The following ALX3 variants were observed in gnomAD, a reference collection of about 807,000 sequenced individuals.
ALX3 encodes ALX homeobox 3, also known as homeobox protein aristaless-like 3.
A neutral mutation model predicts 26.3 loss-of-function variants in ALX3; 17 were observed. That is an observed-to-expected ratio of 0.65 (90% CI 0.44 to 0.97). The LOEUF (loss-of-function observed/expected upper bound fraction) is 0.97, where lower values mean the gene tolerates loss of function less well. Ranked by LOEUF, ALX3 falls within the 50% of genes least tolerant of loss-of-function variation. The pLI, the probability that ALX3 is intolerant of heterozygous loss-of-function variation, is 0.00. For missense variants in ALX3, 461 were observed against 466.5 expected (o/e 0.99, Z 0.11); for synonymous variants, 208 against 201.4 (o/e 1.03, Z -0.28).
At chr1:110,066,785 G>A (rs1420357695) in intron 1 of ALX3, among the ~76,000 whole-genome samples, 1 of 152,150 alleles carries the variant, frequency 6.6e-6, no homozygotes, top group African/African-American at 2.4e-5. Context: ...CCAAAGCCCT[G>A]GGGCTTGCTC....
rs1653614619 is a variant in ALX3 at position 110,060,719 on chromosome 1, G to A, written c.*14C>T. 1 of 1,383,530 alleles carries A rather than the reference G, an allele frequency of 7.2e-7. No individual in the cohort carries two copies. The highest frequency in any genetic ancestry group is 9.4e-7 in the Non-Finnish European group (1 of 1,062,874). The allele number at this position is 1,383,530 out of a possible 1,614,324, so 85.7% of individuals were successfully genotyped here. On this transcript the variant is annotated 3_prime_UTR_variant, in exon 4 of 4. Coordinates refer to ENST00000647563, the MANE Select transcript of ALX3 (RefSeq NM_006492.3). ...AAGAGGTGGGCAGCTCATTCTGCAG[G>A]TCCATGCAACCGATCACGTGGTCCA...
In ALX3 at chr1:110,061,573, G is replaced by A. The variant is rs1012716668; in HGVS notation, c.595-10C>T. 2 of 1,614,104 alleles carry A rather than the reference G, an allele frequency of 1.2e-6. No homozygotes were observed. The highest frequency in any genetic ancestry group is 1.3e-5 in the African/African-American group (1 of 75,070). On this transcript the variant is annotated splice_polypyrimidine_tract_variant and intron_variant, in intron 2 of 3. Coordinates refer to ENST00000647563, the MANE Select transcript of ALX3 (RefSeq NM_006492.3). Reference sequence around the variant, plus strand: ...GGTTCTGGAACCAGACCTGGGGGCAGGTTGTGGGGGTTTGAGGGGGTGATA... The same window carrying A: ...GGTTCTGGAACCAGACCTGGGGGCAAGTTGTGGGGGTTTGAGGGGGTGATA...
At chr1:110,063,241 G>GA (rs1250407698) in intron 2 of ALX3, among the ~76,000 whole-genome samples, 1 of 152,206 alleles carries the variant, frequency 6.6e-6, no homozygotes, top group Admixed American at 6.5e-5. Context: ...CCACACCCCG[G>GA]AGGCCTGCTG....
intron 1 of ALX3, among the ~76,000 whole-genome samples, chr1:110,067,125 C>T (rs763107847): frequency 3.9e-5 from 6 of 152,202 alleles, no homozygotes; most frequent in Non-Finnish European, 7.3e-5. Flanking sequence ...CCTCAGAGAA[C>T]ACAGAGCAGC....
chr1:110,067,860 G>A (rs1355879319), intron 1 of ALX3, among the ~76,000 whole-genome samples: 1 of 152,216 alleles, frequency 6.6e-6, no homozygotes, highest in Non-Finnish European at 1.5e-5. Context: ...CTCAGCGTTG[G>A]CCCAGAAGCC....
intron 2 of ALX3, 145 bp from the exon 3 acceptor site, chr1:110,061,708 T>C: frequency 1.5e-6 from 2 of 1,299,870 alleles, no homozygotes; most frequent in East Asian, 2.4e-5. Flanking sequence ...TCCACACTGT[T>C]CTCCAGGCCA....
At chr1:110,068,751 C>G (rs995133883) in intron 1 of ALX3, among the ~76,000 whole-genome samples, 1 of 152,102 alleles carries the variant, frequency 6.6e-6, no homozygotes, top group African/African-American at 2.4e-5. Flanking sequence ...TTTACCCTCT[C>G]GTTCTCGCCG....
chr1:110,061,578 TG>T lies in ALX3; in HGVS notation c.595-16del, dbSNP rs1174686318. 1.9e-6 allele frequency: 3 copies of T among 1,613,656 alleles called. No homozygotes were observed. Among genetic ancestry groups the T allele is most frequent in the East Asian group, 2.2e-5 (1 of 44,876 alleles). On this transcript the variant is annotated splice_polypyrimidine_tract_variant and intron_variant, in intron 2 of 3. Coordinates refer to ENST00000647563, the MANE Select transcript of ALX3 (RefSeq NM_006492.3). ...TGGAACCAGACCTGGGGGCAGGTTG[TG>T]GGGGTTTGAGGGGGTGATAGGGCAG...
chr1:110,070,671 G>T lies in ALX3; in HGVS notation c.-59C>A. The stretch of plus-strand genomic sequence containing the variant: ...GGGGCTCGCGCTGCCCGCGCCGCCT[G>T]TGAGCGCCCGCCAAGGGGGAGGGAC... On this transcript the variant is annotated 5_prime_UTR_variant, in exon 1 of 4. Transcript: ENST00000647563. The T allele has an allele frequency of 8.5e-7, 1 of 1,179,328 alleles. No homozygotes were observed. Among genetic ancestry groups the T allele is most frequent in the Non-Finnish European group, 1.0e-6 (1 of 955,198 alleles). The allele number at this position is 1,179,328 out of a possible 1,614,324, so 73.1% of individuals were successfully genotyped here. A position where few individuals can be genotyped will look rare whatever the true frequency, so the allele number is the denominator to read the frequency against.
intron 2 of ALX3, among the ~76,000 whole-genome samples, chr1:110,063,310 C>T (rs531283412): frequency 5.9e-5 from 9 of 152,314 alleles, no homozygotes; most frequent in South Asian, 2.1e-4. Flanking sequence ...CCTTGAATGC[C>T]GGGCCTCTTG....
At position 110,064,743 on chromosome 1, in the gene ALX3, C is replaced by A; in HGVS notation, c.438G>T (p.Leu146Phe). ...LSPGLPDSME[L>F]AKNKSKKRRN... ...GACGCTTCTTGCTCTTGTTCTTGGCCAACTCCATGGAGTCAGGGAGTCCCG... is the reference window on the plus strand; with the variant it reads ...GACGCTTCTTGCTCTTGTTCTTGGCAAACTCCATGGAGTCAGGGAGTCCCG... The change falls in exon 2 of 4, where the codon TTG (leucine) becomes TTT (phenylalanine). Residue 146 changes from leucine (L) to phenylalanine (F), a missense_variant. This residue lies in a region of ALX3 where 241 missense variants were observed against 206.1 expected (regional missense o/e 1.17). Coordinates refer to ENST00000647563, the MANE Select transcript of ALX3 (RefSeq NM_006492.3). 3 of 1,614,216 alleles carry A rather than the reference C, an allele frequency of 1.9e-6. No individual in the cohort carries two copies. Among genetic ancestry groups the A allele is most frequent in the Non-Finnish European group, 2.5e-6 (3 of 1,180,038 alleles).
At position 110,061,852 on chromosome 1, in the gene ALX3, G is replaced by A. The variant is rs1653655764; in HGVS notation, c.595-289C>T. On this transcript the variant is annotated intron_variant, in intron 2 of 3. Coordinates refer to ENST00000647563, the MANE Select transcript of ALX3 (RefSeq NM_006492.3). ...TGGCTGTGTCTAGTAAGGGTGTTGT[G>A]GGGGCATCTGTGGGCCTCAGGGGCC... 5 of 480,090 alleles carry A rather than the reference G, an allele frequency of 1.0e-5. No individual in the cohort carries two copies. The South Asian group carries it at 1.2e-4, about 11-fold the overall frequency. 29.7% of individuals were successfully genotyped at this position (480,090 alleles called of 1,614,324 possible). A position where few individuals can be genotyped will look rare whatever the true frequency, so the allele number is the denominator to read the frequency against.
chr1:110,069,619 C>G (rs1310865789), intron 1 of ALX3, among the ~76,000 whole-genome samples: 1 of 152,244 alleles, frequency 6.6e-6, no homozygotes, highest in African/African-American at 2.4e-5. Context: ...CGGTGATGAT[C>G]CAGCGCGGGG....
At chr1:110,063,946 C>T (rs1653717873) in intron 2 of ALX3, among the ~76,000 whole-genome samples, 1 of 152,006 alleles carries the variant, frequency 6.6e-6, no homozygotes. Flanking sequence ...TGGCCACGGC[C>T]CCTCTGGGAA....
At position 110,060,707 on chromosome 1, in the gene ALX3, C is replaced by T. The variant is rs777818047; in HGVS notation, c.*26G>A. The T allele has an allele frequency of 8.7e-7, 1 of 1,149,908 alleles. No homozygotes were observed. Among genetic ancestry groups the T allele is most frequent in the Non-Finnish European group, 1.1e-6 (1 of 916,712 alleles). 71.2% of individuals were successfully genotyped at this position (1,149,908 alleles called of 1,614,324 possible). On this transcript the variant is annotated 3_prime_UTR_variant, in exon 4 of 4. Coordinates refer to ENST00000647563, the MANE Select transcript of ALX3 (RefSeq NM_006492.3). ...TGGGAATGGAAAAAGAGGTGGGCAGCTCATTCTGCAGGTCCATGCAACCGA... is the reference window on the plus strand; with the variant it reads ...TGGGAATGGAAAAAGAGGTGGGCAGTTCATTCTGCAGGTCCATGCAACCGA...
intron 1 of ALX3, 85 bp from the exon 2 acceptor site, chr1:110,064,988 A>G: frequency 7.6e-7 from 1 of 1,316,896 alleles, no homozygotes; most frequent in Admixed American, 2.6e-5. Context: ...AAGAACATTG[A>G]CGCCTCAGTC....
rs920033778 is a variant in ALX3 at position 110,070,633 on chromosome 1, C to T, written c.-21G>A. On this transcript the variant is annotated 5_prime_UTR_variant, in exon 1 of 4. Coordinates refer to ENST00000647563, the MANE Select transcript of ALX3 (RefSeq NM_006492.3). ...TCCATGCCGGCTCAGGGCGCACAGG[C>T]CTCCGGGGCTCCGGGGCTCGCGCTG... 6.6e-6 allele frequency: 8 copies of T among 1,210,820 alleles called. No homozygotes were observed. In the African/African-American group the frequency reaches 1.3e-4, roughly 19 times the overall value. 75.0% of individuals were successfully genotyped at this position (1,210,820 alleles called of 1,614,324 possible).
intron 1 of ALX3, among the ~76,000 whole-genome samples, chr1:110,067,898 C>T (rs1570939709): frequency 6.6e-6 from 1 of 151,566 alleles, no homozygotes; most frequent in Admixed American, 6.5e-5. Context: ...ACTTGGGACT[C>T]TCCTCGACTT....
At chr1:110,063,013 C>T (rs752829244) in intron 2 of ALX3, among the ~76,000 whole-genome samples, 20 of 152,316 alleles carry the variant, frequency 1.3e-4, no homozygotes, top group Non-Finnish European at 1.3e-4. Flanking sequence ...TAGTCTCATT[C>T]TTCCTCTCCA....
Sources: gnomAD v4.1 joint callset for allele counts (sites outside exome capture counted in the v4.1 genomes callset) on GRCh38, gnomAD v4.1.1 for gene constraint, gnomAD v4.1.1 regional missense constraint, MANE v1.5 for transcripts, NCBI Gene and HGNC (gene_info 2026-07-23, HGNC 2026-07-21) for gene names.